Variants in RABGAP1L observed in about 807,000 individuals in gnomAD.
RABGAP1L encodes RAB GTPase activating protein 1 like.
Under a neutral mutation model 137.7 loss-of-function variants are expected in RABGAP1L, and 63 were observed. The observed-to-expected ratio is 0.46, with a 90% CI of 0.37 to 0.56. RABGAP1L has a LOEUF of 0.56. Among genes scored for constraint, RABGAP1L ranks in the 20% least tolerant of loss-of-function variants. The probability of loss-of-function intolerance (pLI) is 0.00; values close to 1 mark genes in which losing one functional copy is unlikely to be tolerated. For synonymous variants in RABGAP1L, 431 were observed against 433.7 expected, an observed-to-expected ratio of 0.99 and a Z score of 0.08; for missense variants, 1,095 against 1,244.0, an observed-to-expected ratio of 0.88 and a Z score of 1.80.
chr1:174,814,240 A>G (rs528898815), intron 19 of RABGAP1L, among the ~76,000 whole-genome samples: 14 of 152,186 alleles, frequency 9.2e-5, no homozygotes, highest in Admixed American at 2.0e-4. Context: ...TTGGACATGA[A>G]TAGGTAAATA....
At chr1:174,431,529 C>T (rs1226379873) in intron 13 of RABGAP1L, among the ~76,000 whole-genome samples, 1 of 152,154 alleles carries the variant, frequency 6.6e-6, no homozygotes, top group Non-Finnish European at 1.5e-5. Flanking sequence ...AGCTATGGCA[C>T]TTTACTCATA....
At chr1:174,455,468 T>A (rs1655936939) in intron 13 of RABGAP1L, among the ~76,000 whole-genome samples, 1 of 152,116 alleles carries the variant, frequency 6.6e-6, no homozygotes, top group African/African-American at 2.4e-5. Flanking sequence ...GACCTGTTCT[T>A]TAAATTTTTA....
At chr1:174,243,795 AC>A (rs1242181312) in intron 5 of RABGAP1L, among the ~76,000 whole-genome samples, 4 of 152,100 alleles carry the variant, frequency 2.6e-5, no homozygotes, top group Admixed American at 1.3e-4. Context: ...TTGTTTGGTT[AC>A]CCTTTGTTTA....
chr1:174,800,178 GT>G, intron 18 of RABGAP1L: 1 of 1,397,128 alleles, frequency 7.2e-7, no homozygotes, highest in Non-Finnish European at 9.3e-7. Context: ...TAGCCAAAAT[GT>G]TTTTCTTGTG....
chr1:174,316,475 G>T (rs1269376468), intron 11 of RABGAP1L, among the ~76,000 whole-genome samples: 2 of 152,202 alleles, frequency 1.3e-5, no homozygotes, highest in Admixed American at 6.5e-5. Context: ...TAATGCTGTG[G>T]TTCTTGCAGA....
chr1:174,633,458 C>G (rs1673621003), intron 13 of RABGAP1L, among the ~76,000 whole-genome samples: 1 of 151,530 alleles, frequency 6.6e-6, no homozygotes, highest in African/African-American at 2.4e-5. Flanking sequence ...GCCATACTGC[C>G]CAAGGTAATT....
intron 13 of RABGAP1L, among the ~76,000 whole-genome samples, chr1:174,562,203 A>C (rs967213371): frequency 6.6e-6 from 1 of 152,248 alleles, no homozygotes; most frequent in African/African-American, 2.4e-5. Flanking sequence ...ATATGAACAG[A>C]CACTTCTCAA....
At chr1:174,175,492 C>CTT (rs771691150) in intron 1 of RABGAP1L, among the ~76,000 whole-genome samples, 15 of 137,184 alleles carry the variant, frequency 1.1e-4, no homozygotes, top group African/African-American at 3.5e-4. Flanking sequence ...TTTCTTTTTT[C>CTT]TTTTTTTTTT....
intron 13 of RABGAP1L, among the ~76,000 whole-genome samples, chr1:174,547,481 A>G (rs373999730): frequency 1.3e-5 from 2 of 152,168 alleles, no homozygotes; most frequent in African/African-American, 4.8e-5. Context: ...GCTGGATGTG[A>G]TAGTGTGTGC....
chr1:174,576,291 A>G lies in RABGAP1L; in HGVS notation c.1711-61084A>G, dbSNP rs567270732. 3.0e-4 allele frequency among the ~76,000 whole-genome samples: 46 copies of G among 152,230 alleles called. 1 individual carries two copies. In the South Asian group the frequency reaches 9.5e-3, roughly 32 times the overall value. ...TTTATAGCCCTATCTTATCCACATG[A>G]ACAGGCGCCCCTCATGCGTCCGTTT... On this transcript the variant is annotated intron_variant, in intron 13 of 25. Transcript: ENST00000681986.
intron 14 of RABGAP1L, among the ~76,000 whole-genome samples, chr1:174,644,830 A>G (rs1334200330): frequency 1.3e-5 from 2 of 152,148 alleles, no homozygotes; most frequent in Non-Finnish European, 2.9e-5. Context: ...TTCTTTAATC[A>G]GAACCCTTCG....
chr1:174,627,699 C>G (rs954587893), intron 13 of RABGAP1L, among the ~76,000 whole-genome samples: 1 of 152,044 alleles, frequency 6.6e-6, no homozygotes, highest in Non-Finnish European at 1.5e-5. Flanking sequence ...TAAAGAGAAC[C>G]CTTGAAAGGC....
At chr1:174,760,148 G>A (rs537035348) in intron 18 of RABGAP1L, among the ~76,000 whole-genome samples, 1 of 152,038 alleles carries the variant, frequency 6.6e-6, no homozygotes, top group Non-Finnish European at 1.5e-5. Context: ...TGTTGAGTCC[G>A]TTGCCACACT....
At chr1:174,264,542 T>TA (rs1351115048) in intron 7 of RABGAP1L, among the ~76,000 whole-genome samples, 1 of 152,138 alleles carries the variant, frequency 6.6e-6, no homozygotes, top group Non-Finnish European at 1.5e-5. Context: ...ATCTCAAAGT[T>TA]AATATGTTCA....
At chr1:174,675,842 A>C (rs1026115749) in intron 14 of RABGAP1L, among the ~76,000 whole-genome samples, 37 of 152,198 alleles carry the variant, frequency 2.4e-4, no homozygotes, top group African/African-American at 8.7e-4. Context: ...TGAAACAAGA[A>C]ACGTTTTTGA....
intron 13 of RABGAP1L, among the ~76,000 whole-genome samples, chr1:174,610,301 C>CA (rs1241651704): frequency 2.0e-5 from 3 of 146,930 alleles, no homozygotes. Context: ...TGAGAACATG[C>CA]AGTGTTTGGT....
At chr1:174,184,961 C>T (rs1666687468) in intron 1 of RABGAP1L, among the ~76,000 whole-genome samples, 1 of 152,164 alleles carries the variant, frequency 6.6e-6, no homozygotes, top group Non-Finnish European at 1.5e-5. Flanking sequence ...GATGCTCAAC[C>T]TCTAAGTGGT....
chr1:174,165,638 T>C (rs1165319547), intron 1 of RABGAP1L, among the ~76,000 whole-genome samples: 1 of 152,052 alleles, frequency 6.6e-6, no homozygotes, highest in Non-Finnish European at 1.5e-5. Context: ...GCTGGGACTA[T>C]ATAGGCACAC....
chr1:174,264,844 AAAC>A (rs1488813162), intron 7 of RABGAP1L, among the ~76,000 whole-genome samples: 4 of 152,150 alleles, frequency 2.6e-5, no homozygotes, highest in African/African-American at 9.6e-5. Flanking sequence ...TTAGAAAAAA[AAAC>A]AAAAGAAATG....
Sources: allele counts gnomAD v4.1 joint callset (sites outside exome capture counted in the v4.1 genomes callset), GRCh38; gene constraint gnomAD v4.1.1; transcripts MANE v1.5; gene names NCBI Gene and HGNC (gene_info 2026-07-23, HGNC 2026-07-21).